Variants in SLC36A4 observed in about 807,000 individuals in gnomAD.
SLC36A4 encodes the protein solute carrier family 36 member 4.
In SLC36A4, 49 loss-of-function variants were observed where a neutral mutation model predicts 50.5. The observed-to-expected ratio is 0.97, with a 90% CI of 0.77 to 1.23. The LOEUF (loss-of-function observed/expected upper bound fraction) is 1.23, where lower values mean the gene tolerates loss of function less well. Ranked by LOEUF, SLC36A4 falls within the 50% of genes most tolerant of loss-of-function variation. The pLI, the probability that SLC36A4 is intolerant of heterozygous loss-of-function variation, is 0.00. For synonymous variants in SLC36A4, 207 were observed against 206.5 expected, an observed-to-expected ratio of 1.00 and a Z score of -0.02; for missense variants, 611 against 608.4, an observed-to-expected ratio of 1.00 and a Z score of -0.05.
At chr11:93,185,539 T>C (rs1332269725) in intron 2 of SLC36A4, 152 bp downstream of exon 2, 4 of 637,690 alleles carry the variant, frequency 6.3e-6, no homozygotes, top group Non-Finnish European at 9.7e-6. Context: ...TAAACGCATT[T>C]CTTTCCCAAA....
At chr11:93,197,738 C>T (rs754662503) in intron 1 of SLC36A4, 40 bp downstream of exon 1, 6 of 1,574,852 alleles carry the variant, frequency 3.8e-6, no homozygotes, top group Non-Finnish European at 5.1e-6. Context: ...AGACCCCCGC[C>T]CACGTCAGCC....
intron 9 of SLC36A4, chr11:93,154,847 A>G (rs1323291254): frequency 6.6e-6 from 1 of 152,178 alleles, no homozygotes; most frequent in Non-Finnish European, 1.5e-5. Context: ...TACATTAAAT[A>G]AGAGACATAC....
At chr11:93,179,267 T>C (rs1861630792) in intron 6 of SLC36A4, among the ~76,000 whole-genome samples, 1 of 152,120 alleles carries the variant, frequency 6.6e-6, no homozygotes, top group South Asian at 2.1e-4. Context: ...CCAATAACCA[T>C]ACTGGGTACT....
intron 3 of SLC36A4, 125 bp from the exon 4 acceptor site, chr11:93,183,019 T>C (rs759828062): frequency 7.8e-6 from 5 of 638,718 alleles, no homozygotes; most frequent in Middle Eastern, 2.6e-4. Context: ...TGATTAGTCA[T>C]TGCATAAGGG....
At chr11:93,171,431 A>C (rs1861128857) in intron 6 of SLC36A4, 1 of 152,114 alleles carries the variant, frequency 6.6e-6, no homozygotes, top group South Asian at 2.1e-4. Context: ...ACATATTGGA[A>C]GTGACAGAGA....
At chr11:93,160,083 G>A in intron 9 of SLC36A4, 3 of 985,366 alleles carry the variant, frequency 3.0e-6, no homozygotes, top group Non-Finnish European at 3.6e-6. Flanking sequence ...AATCTTAAAT[G>A]TAATCCCATG....
Position 93,148,366 on chromosome 11 carries a change from AT to A in SLC36A4, c.*170del. 1.8e-6 allele frequency: 1 copy of A among 558,652 alleles called. No homozygotes were observed. Among genetic ancestry groups the A allele is most frequent in the Non-Finnish European group, 3.0e-6 (1 of 331,184 alleles). 34.6% of individuals were successfully genotyped at this position (558,652 alleles called of 1,614,324 possible). On this transcript the variant is annotated 3_prime_UTR_variant, in exon 11 of 11. Coordinates refer to ENST00000326402, the MANE Select transcript of SLC36A4 (RefSeq NM_152313.4). ...TAACACTTAAAAGCAAGGATTTTTC[AT>A]AGGTTTACCACTACTGGTAAAGAGT...
In SLC36A4 at chr11:93,193,588, T is replaced by C. The variant is rs564479991; in HGVS notation, c.55+4190A>G. On this transcript the variant is annotated intron_variant, in intron 1 of 10. Coordinates refer to ENST00000326402, the MANE Select transcript of SLC36A4 (RefSeq NM_152313.4). ...ATTATACAACATTTATTATACACCA[T>C]ATATCTGATGTTAGGTGTATTACAT... is the stretch of plus-strand genomic sequence containing the variant. Among the ~76,000 whole-genome samples, 9 of 152,256 alleles carry C rather than the reference T, an allele frequency of 5.9e-5. 1 individual carries two copies. The South Asian group carries it at 1.9e-3, about 32-fold the overall frequency.
At chr11:93,180,744 A>G (rs1861696958) in intron 6 of SLC36A4, 53 bp downstream of exon 6, 1 of 1,254,398 alleles carries the variant, frequency 8.0e-7, no homozygotes, top group South Asian at 1.2e-5. Flanking sequence ...ATATGAAGCC[A>G]TAACTAGGGC....
rs1449517329 is a variant in SLC36A4 at position 93,162,711 on chromosome 11, A to G, written c.1032T>C (p.Asp344=). 6.2e-7 allele frequency: 1 copy of G among 1,606,832 alleles called. No homozygotes were observed. The highest frequency in any genetic ancestry group is 1.7e-5 in the Admixed American group (1 of 58,226). ...ACAAATTCATATACACCTACCATAC[A>G]TCTTGGGGAAGATTTAAAGTTATGC... The part of the protein sequence containing the change: ...KGSITLNLPQ[D]VWLYQSVKIL... The change falls in exon 9 of 11, where the codon GAT becomes GAC. Residue 344 remains aspartate, a synonymous_variant. Transcript: ENST00000326402.
intron 1 of SLC36A4, chr11:93,197,234 T>A (rs1862466766): frequency 6.5e-6 from 1 of 154,008 alleles, no homozygotes; most frequent in East Asian, 1.9e-4. Flanking sequence ...AAACACGCCC[T>A]GTCGCCAAGA....
In SLC36A4 at chr11:93,197,782, C is replaced by T. The variant is rs770217358; in HGVS notation, c.51G>A (p.Glu17=). 1.3e-6 allele frequency: 2 copies of T among 1,588,070 alleles called. No individual in the cohort carries two copies. Among genetic ancestry groups the T allele is most frequent in the African/African-American group, 2.7e-5 (2 of 73,064 alleles). The change falls in exon 1 of 11, where the codon GAG becomes GAA. Residue 17 remains glutamate (E), a synonymous_variant. Transcript: ENST00000326402. ...CTGCCCACGCACAACACCGACCTAG[C>T]TCCTCGCGCCTCGCCGCCCCGGCAG... The part of the protein sequence containing the change: ...PAAAGAARRE[E]LDMDVMRPLI...
intron 8 of SLC36A4, among the ~76,000 whole-genome samples, chr11:93,164,665 G>A (rs1429346449): frequency 6.6e-6 from 1 of 152,200 alleles, no homozygotes; most frequent in Non-Finnish European, 1.5e-5. Context: ...GCCAAGAATG[G>A]TGGCAGTGCA....
intron 6 of SLC36A4, chr11:93,171,100 C>T (rs910362018): frequency 2.6e-5 from 4 of 151,288 alleles, no homozygotes; most frequent in African/African-American, 9.7e-5. Context: ...ACCATCTCAA[C>T]TACTTTCTCA....
intron 9 of SLC36A4, chr11:93,159,875 T>C (rs1411227854): frequency 1.0e-6 from 1 of 985,296 alleles, no homozygotes; most frequent in Non-Finnish European, 1.2e-6. Context: ...CTCTGAGACT[T>C]TGCCAATCTG....
chr11:93,189,629 ATTTC>A, intron 1 of SLC36A4, among the ~76,000 whole-genome samples: 1 of 152,170 alleles, frequency 6.6e-6, no homozygotes, highest in South Asian at 2.1e-4. Flanking sequence ...GACCTTTCTG[ATTTC>A]TTTCTGTCAG....
At position 93,197,940 on chromosome 11, in the gene SLC36A4, G is replaced by T; in HGVS notation, c.-108C>A. 1.7e-6 allele frequency: 2 copies of T among 1,145,766 alleles called. No homozygotes were observed. The highest frequency in any genetic ancestry group is 2.3e-6 in the Non-Finnish European group (2 of 865,694). The allele number at this position is 1,145,766 out of a possible 1,614,324, so 71.0% of individuals were successfully genotyped here. A position where few individuals can be genotyped will look rare whatever the true frequency, so the allele number is the denominator to read the frequency against. On this transcript the variant is annotated 5_prime_UTR_variant, in exon 1 of 11. Transcript: ENST00000326402. The stretch of plus-strand genomic sequence containing the variant: ...CCCCTGCCCGGAGGGACCCGCGCCT[G>T]GTGCCCGCCTCCCTGCCCCGGCGCT...
intron 9 of SLC36A4, chr11:93,160,838 ATTG>A (rs1386933551): frequency 5.1e-6 from 4 of 779,126 alleles, no homozygotes; most frequent in Non-Finnish European, 6.2e-6. Flanking sequence ...TCAAAATATT[ATTG>A]TTATTATTAA....
chr11:93,171,190 T>A (rs896084728), intron 6 of SLC36A4: 1 of 152,034 alleles, frequency 6.6e-6, no homozygotes, highest in Non-Finnish European at 1.5e-5. Context: ...CAGCAGGCAT[T>A]CTCCTTACCT....
Sources: allele counts gnomAD v4.1 joint callset (sites outside exome capture counted in the v4.1 genomes callset), GRCh38; gene constraint gnomAD v4.1.1; transcripts MANE v1.5; gene names NCBI Gene and HGNC (gene_info 2026-07-23, HGNC 2026-07-21).